Variants in IMMP2L observed in about 807,000 individuals in gnomAD.
IMMP2L encodes the protein inner mitochondrial membrane peptidase subunit 2.
A neutral mutation model predicts 19.3 loss-of-function variants in IMMP2L; 18 were observed. That is an observed-to-expected ratio of 0.93 (90% CI 0.64 to 1.38). IMMP2L has a LOEUF of 1.38. IMMP2L is among the 40% of genes most tolerant of loss of function. The pLI, the probability that IMMP2L is intolerant of heterozygous loss-of-function variation, is 0.00. For missense variants in IMMP2L, 233 were observed against 218.2 expected (o/e 1.07, Z -0.43); for synonymous variants, 76 against 73.0 (o/e 1.04, Z -0.21).
chr7:111,541,585 T>G (rs1334557554), intron 1 of IMMP2L, among the ~76,000 whole-genome samples: 1 of 152,208 alleles, frequency 6.6e-6, no homozygotes, highest in Non-Finnish European at 1.5e-5. Flanking sequence ...CTCTCCCATT[T>G]TATAAGAAAC....
chr7:111,161,860 A>G (rs1344888313), intron 3 of IMMP2L, among the ~76,000 whole-genome samples: 1 of 152,062 alleles, frequency 6.6e-6, no homozygotes, highest in Non-Finnish European at 1.5e-5. Flanking sequence ...TTTTATTGAC[A>G]GGACAATTTT....
At chr7:111,397,205 A>T (rs984724027) in intron 3 of IMMP2L, among the ~76,000 whole-genome samples, 8 of 152,070 alleles carry the variant, frequency 5.3e-5, no homozygotes, top group Non-Finnish European at 1.0e-4. Flanking sequence ...TATATACTAT[A>T]TTTTTCAAAT....
intron 5 of IMMP2L, among the ~76,000 whole-genome samples, chr7:110,789,873 C>T (rs1223162137): frequency 6.6e-6 from 1 of 151,608 alleles, no homozygotes; most frequent in East Asian, 1.9e-4. Context: ...TTTATGTGGC[C>T]ACTCTTTCAT....
At chr7:111,503,615 T>A (rs192007442) in intron 2 of IMMP2L, among the ~76,000 whole-genome samples, 33 of 152,122 alleles carry the variant, frequency 2.2e-4, no homozygotes, top group African/African-American at 7.0e-4. Flanking sequence ...CAAAAAGCTT[T>A]TCCACCATGA....
At chr7:111,199,896 TA>T (rs2129615080) in intron 3 of IMMP2L, among the ~76,000 whole-genome samples, 1 of 152,282 alleles carries the variant, frequency 6.6e-6, no homozygotes, top group South Asian at 2.1e-4. Flanking sequence ...GGTGTAGTTT[TA>T]ATAAAATTGA....
chr7:110,789,632 T>G (rs2131138240), intron 5 of IMMP2L, among the ~76,000 whole-genome samples: 1 of 151,810 alleles, frequency 6.6e-6, no homozygotes, highest in South Asian at 2.1e-4. Context: ...GTCCAATGGC[T>G]TCCTTTATGA....
chr7:110,877,640 G>A lies in IMMP2L; in HGVS notation c.408+8953C>T, dbSNP rs1809213075. On this transcript the variant is annotated intron_variant, in intron 5 of 5. Coordinates refer to ENST00000405709, the MANE Select transcript of IMMP2L (RefSeq NM_032549.4). This position sits in a 1 kb window ranked among gnomAD's most constrained non-coding sequence, Gnocchi z 4.0. ...CTGCCCTGCTAATGACTTTACACTAGCTATTTTGAGCCAGACTGCGCTTAG... is the reference window on the plus strand; with the variant it reads ...CTGCCCTGCTAATGACTTTACACTAACTATTTTGAGCCAGACTGCGCTTAG... Among the ~76,000 whole-genome samples the A allele has an allele frequency of 6.6e-6, 1 of 152,112 alleles. No homozygotes were observed. Among genetic ancestry groups the A allele is most frequent in the Admixed American group, 6.6e-5 (1 of 15,254 alleles).
At chr7:111,145,585 A>T (rs1418391758) in intron 3 of IMMP2L, among the ~76,000 whole-genome samples, 1 of 152,118 alleles carries the variant, frequency 6.6e-6, no homozygotes. Context: ...CCAAGTAAGT[A>T]AGAAGATACA....
At position 111,409,234 on chromosome 7, in the gene IMMP2L, T is replaced by C. The variant is rs1563156075; in HGVS notation, c.239+78004A>G. On this transcript the variant is annotated intron_variant, in intron 3 of 5. Coordinates refer to ENST00000405709, the MANE Select transcript of IMMP2L (RefSeq NM_032549.4). ...AAACCATTTCATAATAGAAAGCCAA[T>C]TCCTACCCTTAATTCTCTTAAAATT... Among the ~76,000 whole-genome samples the C allele has an allele frequency of 2.0e-5, 3 of 151,602 alleles. No individual in the cohort carries two copies. In the South Asian group the frequency reaches 6.2e-4, roughly 32 times the overall value.
intron 3 of IMMP2L, among the ~76,000 whole-genome samples, chr7:111,099,224 A>C (rs1319823063): frequency 6.6e-6 from 1 of 151,720 alleles, no homozygotes; most frequent in East Asian, 1.9e-4. Flanking sequence ...CATTGGTCTC[A>C]AATTTCATTA....
Position 111,498,229 on chromosome 7 carries a change from C to T in IMMP2L, c.136-10888G>A, listed in dbSNP as rs891070577. 6.6e-5 allele frequency among the ~76,000 whole-genome samples: 10 copies of T among 152,150 alleles called. No homozygotes were observed. The East Asian group carries it at 9.7e-4, about 15-fold the overall frequency. On this transcript the variant is annotated intron_variant, in intron 2 of 5. Coordinates refer to ENST00000405709, the MANE Select transcript of IMMP2L (RefSeq NM_032549.4). ...AATTATAAAATACTACCATTAAATA[C>T]GTGCATTGTGTTTCCTAGCTAATAA...
intron 1 of IMMP2L, among the ~76,000 whole-genome samples, chr7:111,539,212 AAGAAAGAAAGAAAGAAAG>A (rs1426485724): frequency 2.7e-5 from 2 of 74,464 alleles, no homozygotes; most frequent in African/African-American, 1.1e-4. Flanking sequence ...GAAAGAAAGA[AAGAAAGAAAGAAAGAAAG>A]AAAGAAAGAA....
rs559334889 is a variant in IMMP2L, at chr7:111,500,503, G to A, written c.136-13162C>T. Among the ~76,000 whole-genome samples the A allele has an allele frequency of 2.6e-5, 4 of 152,314 alleles. No homozygotes were observed. In the East Asian group the frequency reaches 7.7e-4, roughly 29 times the overall value. On this transcript the variant is annotated intron_variant, in intron 2 of 5. Transcript: ENST00000405709. ...CTGGAGATCTGAGAAAGGGCAGACT[G>A]CCTCCTCAAGTGGGTCCCTGACTCC...
chr7:110,739,715 A>T (rs1484036748), intron 5 of IMMP2L, among the ~76,000 whole-genome samples: 2 of 152,198 alleles, frequency 1.3e-5, no homozygotes, highest in Admixed American at 1.3e-4. Context: ...AAATGAACTT[A>T]ACAGATATTT....
chr7:110,697,408 C>T (rs1417017570), intron 5 of IMMP2L, among the ~76,000 whole-genome samples: 1 of 152,156 alleles, frequency 6.6e-6, no homozygotes, highest in Non-Finnish European at 1.5e-5. Flanking sequence ...GCTAATTTAC[C>T]TCACTGAGTA....
intron 3 of IMMP2L, among the ~76,000 whole-genome samples, chr7:111,261,791 G>A (rs1215841807): frequency 6.6e-6 from 1 of 152,048 alleles, no homozygotes; most frequent in African/African-American, 2.4e-5. Context: ...TAAGACCTTC[G>A]GGGGAAAGAC....
At chr7:111,039,655 T>A (rs544659778) in intron 3 of IMMP2L, among the ~76,000 whole-genome samples, 90 of 152,280 alleles carry the variant, frequency 5.9e-4, no homozygotes, top group African/African-American at 2.1e-3. Context: ...GTGGTTTTTT[T>A]AAAAACCATC....
At chr7:110,935,178 G>T (rs950548937) in intron 4 of IMMP2L, among the ~76,000 whole-genome samples, 1 of 152,118 alleles carries the variant, frequency 6.6e-6, no homozygotes. Flanking sequence ...AGGAGCTCTT[G>T]TAGGGCAGGC....
At chr7:111,379,762 T>C (rs1338265556) in intron 3 of IMMP2L, among the ~76,000 whole-genome samples, 1 of 151,922 alleles carries the variant, frequency 6.6e-6, no homozygotes, top group Non-Finnish European at 1.5e-5. Context: ...TACTATTTGC[T>C]CATCAAGTAA....
Sources: gnomAD v4.1 joint callset for allele counts (sites outside exome capture counted in the v4.1 genomes callset) on GRCh38, gnomAD v4.1.1 for gene constraint, Gnocchi (gnomAD v3.1) non-coding constraint, MANE v1.5 for transcripts, NCBI Gene and HGNC (gene_info 2026-07-23, HGNC 2026-07-21) for gene names.